TPM1: variants seen among roughly 807,000 people sequenced by gnomAD.
TPM1 encodes the protein tropomyosin 1.
In TPM1, 24 loss-of-function variants were observed where a neutral mutation model predicts 42.9. The observed-to-expected ratio is 0.56, with a 90% CI of 0.41 to 0.79. The LOEUF (loss-of-function observed/expected upper bound fraction) is 0.79. TPM1 is among the 30% of genes least tolerant of loss of function. TPM1 has a pLI of 0.00. For synonymous variants in TPM1, 136 were observed against 130.1 expected (o/e 1.05, Z -0.31); for missense variants, 158 against 351.8 (o/e 0.45, Z 4.41).
intron 2 of TPM1, chr15:63,048,041 C>T: frequency 3.1e-6 from 1 of 326,760 alleles, no homozygotes; most frequent in Non-Finnish European, 5.9e-6. Context: ...TGGGATCAGG[C>T]CCTTTAGGGC....
chr15:63,044,261 C>G (rs1361725866), intron 2 of TPM1, 109 bp downstream of exon 2: 12 of 1,528,814 alleles, frequency 7.8e-6, no homozygotes, highest in Non-Finnish European at 1.1e-5. Context: ...CTGCTGGACA[C>G]CTGCACACAG....
Position 63,042,758 on chromosome 15 carries a change from C to A in TPM1, c.-72C>A. 7.6e-7 allele frequency: 1 copy of A among 1,315,820 alleles called. No individual in the cohort carries two copies. The highest frequency in any genetic ancestry group is 1.1e-6 in the Non-Finnish European group (1 of 924,246). 81.5% of individuals were successfully genotyped at this position (1,315,820 alleles called of 1,614,324 possible). On this transcript the variant is annotated 5_prime_UTR_variant, in exon 1 of 10. Coordinates refer to ENST00000403994, the MANE Select transcript of TPM1 (RefSeq NM_001018005.2). ...GCAGGCGGCTCCGCGCTCGCACTCC[C>A]GCTCCTCCGCCCGACCGCGCGCTCG...
Position 63,066,033 on chromosome 15 carries a change from CTG to C in TPM1, c.*137_*138del, listed in dbSNP as rs1324570961. ...ATCCTGCCTTAGAGCCAGGCACACA[CTG>C]TGCTTTCTATTGTACAGAAGCTCTT... On this transcript the variant is annotated 3_prime_UTR_variant, in exon 10 of 10. Transcript: ENST00000403994. 5 of 1,547,792 alleles carry C rather than the reference CTG, an allele frequency of 3.2e-6. No homozygotes were observed. The highest frequency in any genetic ancestry group is 1.4e-5 in the African/African-American group (1 of 73,150).
chr15:63,070,872 C>T (rs1394398542), downstream of TPM1: 8 of 1,342,372 alleles, frequency 6.0e-6, no homozygotes, highest in Non-Finnish European at 5.8e-6. Flanking sequence ...GTGCACCTGA[C>T]TGCTCTGTGA....
chr15:63,048,757 G>C (rs2033109790), intron 2 of TPM1: 2 of 1,518,886 alleles, frequency 1.3e-6, no homozygotes, highest in Admixed American at 4.1e-5. Flanking sequence ...CATCCTCCCG[G>C]GGCAGCCCCG....
chr15:63,045,458 A>G (rs924065373), intron 2 of TPM1: 2 of 152,274 alleles, frequency 1.3e-5, no homozygotes, highest in African/African-American at 4.8e-5. Flanking sequence ...CCTACTTTGT[A>G]TAATGCAGAT....
chr15:63,065,833 CTT>C lies in TPM1; in HGVS notation c.852-50_852-49del, dbSNP rs58304847. 4,146 of 1,286,068 alleles carry C rather than the reference CTT, an allele frequency of 3.2e-3. 1 individual carries two copies. The highest frequency in any genetic ancestry group is 0.012 in the East Asian group (474 of 38,394). The allele number at this position is 1,286,068 out of a possible 1,614,324, so 79.7% of individuals were successfully genotyped here. ...CTCATCTATTGGTTTGGTTTCCTTT[CTT>C]TTTTTTTTTTTTCTCATTGTGCCAC... On this transcript the variant is annotated intron_variant, in intron 9 of 9. Transcript: ENST00000403994.
downstream of TPM1, chr15:63,070,830 T>A: frequency 7.9e-7 from 1 of 1,272,050 alleles, no homozygotes; most frequent in Non-Finnish European, 1.0e-6. Context: ...AAACCCCACG[T>A]GCATTTTATC....
At chr15:63,061,874 A>T in intron 6 of TPM1, 86 bp downstream of exon 6, 4 of 1,207,072 alleles carry the variant, frequency 3.3e-6, no homozygotes, top group Non-Finnish European at 4.9e-6. Context: ...CTTACAGTAG[A>T]CATTTTAGTA....
intron 1 of TPM1, 72 bp from the exon 2 acceptor site, chr15:63,043,955 C>A: frequency 6.4e-7 from 1 of 1,570,466 alleles, no homozygotes; most frequent in East Asian, 2.4e-5. Flanking sequence ...TGTGCACCCA[C>A]ACCCCTCCCC....
chr15:63,056,496 C>T (rs1481104904), intron 2 of TPM1: 3 of 213,722 alleles, frequency 1.4e-5, no homozygotes. Flanking sequence ...GAAACCCCGT[C>T]TCTACTAAAA....
intron 8 of TPM1, 159 bp from the exon 9 acceptor site, chr15:63,063,905 G>A (rs987691946): frequency 6.6e-6 from 6 of 915,230 alleles, no homozygotes; most frequent in Admixed American, 3.0e-5. Flanking sequence ...CAAAACGCAC[G>A]CCTCCTGCAT....
At chr15:63,071,160 A>G, downstream of TPM1, 1 of 1,614,048 alleles carries the variant, frequency 6.2e-7, no homozygotes, top group Non-Finnish European at 8.5e-7. Flanking sequence ...TACTGGAGTT[A>G]AACAACATGT....
chr15:63,048,400 C>G, intron 2 of TPM1: 2 of 1,356,728 alleles, frequency 1.5e-6, no homozygotes, highest in South Asian at 3.4e-5. Context: ...CTGCGCAGCC[C>G]TGGAGGCTGC....
chr15:63,060,599 G>A (rs749309775), intron 4 of TPM1, among the ~76,000 whole-genome samples: 1 of 152,160 alleles, frequency 6.6e-6, no homozygotes, highest in Non-Finnish European at 1.5e-5. Context: ...TCCACATTTT[G>A]GTCTGGCTGC....
At chr15:63,069,768 C>T, downstream of TPM1, 1 of 1,452,920 alleles carries the variant, frequency 6.9e-7, no homozygotes, top group Non-Finnish European at 9.6e-7. Context: ...TGCTGTCCTG[C>T]TTGAGGTCTC....
At chr15:63,065,834 T>C (rs534616208) in intron 9 of TPM1, 62 bp from the exon 10 acceptor site, 3,575 of 348,680 alleles carry the variant, frequency 0.01, 1 homozygote, top group Non-Finnish European at 0.013. Flanking sequence ...GTTTCCTTTC[T>C]TTTTTTTTTT....
chr15:63,070,536 CTA>C, downstream of TPM1: 1 of 994,734 alleles, frequency 1.0e-6, no homozygotes, highest in Non-Finnish European at 1.2e-6. Flanking sequence ...AAATAGAACA[CTA>C]TAAAAATATT....
downstream of TPM1, chr15:63,070,941 G>A: frequency 6.8e-7 from 1 of 1,469,040 alleles, no homozygotes; most frequent in East Asian, 2.6e-5. Context: ...TTAGGTTCTT[G>A]TCTAGAAATG....
Sources: gnomAD v4.1 joint callset for allele counts (sites outside exome capture counted in the v4.1 genomes callset) on GRCh38, gnomAD v4.1.1 for gene constraint, MANE v1.5 for transcripts, NCBI Gene and HGNC (gene_info 2026-07-23, HGNC 2026-07-21) for gene names.